Variants in NOS1 observed in about 807,000 individuals in gnomAD.
NOS1 encodes the protein nitric oxide synthase 1.
A neutral mutation model predicts 164.5 loss-of-function variants in NOS1; 51 were observed. That is an observed-to-expected ratio of 0.31 (90% CI 0.25 to 0.39). NOS1 has a LOEUF of 0.39. Among genes scored for constraint, NOS1 ranks in the 10% least tolerant of loss-of-function variants. The pLI is 1.00. For synonymous variants in NOS1, 719 were observed against 745.8 expected (o/e 0.96, Z 0.59); for missense variants, 1,362 against 1,885.6 (o/e 0.72, Z 5.14).
At chr12:117,358,352 G>T (rs528276463) in intron 1 of NOS1, among the ~76,000 whole-genome samples, 1 of 151,692 alleles carries the variant, frequency 6.6e-6, no homozygotes, top group Admixed American at 6.6e-5. Context: ...TCTTCTCCGT[G>T]CGGTCCTTCC....
At chr12:117,360,557 G>T (rs547899295) in intron 1 of NOS1, among the ~76,000 whole-genome samples, 1 of 152,260 alleles carries the variant, frequency 6.6e-6, no homozygotes, top group African/African-American at 2.4e-5. Flanking sequence ...CGGAAGAAGT[G>T]AGAGGTGCGG....
Position 117,272,493 on chromosome 12 carries a change from T to C in NOS1, c.1731A>G (p.Leu577=), listed in dbSNP as rs748680359. The C allele has an allele frequency of 6.2e-7, 1 of 1,613,384 alleles. No homozygotes were observed. The highest frequency in any genetic ancestry group is 1.1e-5 in the South Asian group (1 of 91,066). The change falls in exon 10 of 29, where the codon CTA becomes CTG. Residue 577 remains leucine, a synonymous_variant. Transcript: ENST00000317775. The surrounding 1 kb of genome is among the most constrained non-coding windows in gnomAD (Gnocchi z 4.3). ...YGLPAVSNML[L]EIGGLEFSAC... Reference sequence around the variant, plus strand: ...CGCTGAACTCCAGGCCGCCAATCTCTAGGAGCATGTTGGACACGGCGGGGA... The same window carrying C: ...CGCTGAACTCCAGGCCGCCAATCTCCAGGAGCATGTTGGACACGGCGGGGA...
intron 18 of NOS1, among the ~76,000 whole-genome samples, chr12:117,244,690 C>T (rs1374903773): frequency 2.0e-5 from 3 of 152,226 alleles, no homozygotes; most frequent in Non-Finnish European, 4.4e-5. Flanking sequence ...AGATTTGACA[C>T]ATCCATACAA....
At chr12:117,310,851 G>A (rs1025326077) in intron 3 of NOS1, among the ~76,000 whole-genome samples, 11 of 152,058 alleles carry the variant, frequency 7.2e-5, no homozygotes, top group African/African-American at 2.2e-4. Flanking sequence ...ATAGGGTCTC[G>A]CTATGTAGCC....
chr12:117,331,983 A>G (rs567894817), intron 1 of NOS1, among the ~76,000 whole-genome samples: 49 of 152,312 alleles, frequency 3.2e-4, no homozygotes, highest in Non-Finnish European at 6.0e-4. Context: ...CCATGTACAC[A>G]ATGATGACGA....
intron 22 of NOS1, among the ~76,000 whole-genome samples, chr12:117,229,273 C>G (rs1868979973): frequency 1.3e-5 from 2 of 152,176 alleles, no homozygotes; most frequent in Non-Finnish European, 2.9e-5. Context: ...AGGCTGCTCC[C>G]TGCCAATGAC....
intron 9 of NOS1, among the ~76,000 whole-genome samples, chr12:117,276,824 T>G (rs1873222486): frequency 6.6e-6 from 1 of 152,246 alleles, no homozygotes; most frequent in Non-Finnish European, 1.5e-5. Flanking sequence ...CATTCTTTTT[T>G]GCAGCTGTAT....
chr12:117,337,122 T>A lies in NOS1; in HGVS notation c.-420-5633A>T, dbSNP rs1875866526. Among the ~76,000 whole-genome samples the A allele has an allele frequency of 1.0e-4, 14 of 137,428 alleles. No homozygotes were observed. The South Asian group carries it at 3.4e-3, about 34-fold the overall frequency. 90.2% of individuals were successfully genotyped at this position (137,428 alleles called of 152,430 possible). On this transcript the variant is annotated intron_variant, in intron 1 of 28. Transcript: ENST00000317775. Reference sequence around the variant, plus strand: ...CTTTTTACTCTTTTTTTTTTTTTTTTTTTTTTTTTTTGAGACGGAGTCTTG... The same window carrying A: ...CTTTTTACTCTTTTTTTTTTTTTTTATTTTTTTTTTTGAGACGGAGTCTTG...
chr12:117,254,286 T>C (rs1406412529), intron 16 of NOS1, among the ~76,000 whole-genome samples: 1 of 152,192 alleles, frequency 6.6e-6, no homozygotes, highest in Non-Finnish European at 1.5e-5. Context: ...TTTGCATTTT[T>C]AGTAGAGACG....
In NOS1 at chr12:117,209,029, G is replaced by C; in HGVS notation, c.*6280C>G. ...TGAGCCACCACGCCTGGCCTGGGAG[G>C]GGTTTTTGAAAGCATACTGCCCTCC... On this transcript the variant is annotated 3_prime_UTR_variant, in exon 29 of 29. Transcript: ENST00000317775. 1 of 985,236 alleles carries C rather than the reference G, an allele frequency of 1.0e-6. No individual in the cohort carries two copies. The highest frequency in any genetic ancestry group is 1.2e-6 in the Non-Finnish European group (1 of 829,870). 61.0% of individuals were successfully genotyped at this position (985,236 alleles called of 1,614,324 possible).
intron 2 of NOS1, among the ~76,000 whole-genome samples, chr12:117,316,031 CAT>C (rs1281824579): frequency 2.0e-5 from 3 of 152,212 alleles, no homozygotes; most frequent in Non-Finnish European, 4.4e-5. Context: ...CCACTAGACA[CAT>C]GTGGCAATTG....
At chr12:117,251,512 A>C (rs1871099040) in intron 17 of NOS1, among the ~76,000 whole-genome samples, 1 of 152,080 alleles carries the variant, frequency 6.6e-6, no homozygotes, top group Non-Finnish European at 1.5e-5. Context: ...TCCTAGGCTC[A>C]TGCAATCCCC....
intron 16 of NOS1, among the ~76,000 whole-genome samples, chr12:117,257,896 C>T (rs540413904): frequency 6.6e-6 from 1 of 151,540 alleles, no homozygotes; most frequent in South Asian, 2.1e-4. Context: ...CCTCCTCCTC[C>T]CAGGTTCAAG....
intron 3 of NOS1, among the ~76,000 whole-genome samples, chr12:117,293,702 CTAT>C (rs1484219269): frequency 6.6e-6 from 1 of 151,236 alleles, no homozygotes; most frequent in Admixed American, 6.6e-5. Flanking sequence ...ACTTGTATTA[CTAT>C]TATTACTTGT....
intron 11 of NOS1, among the ~76,000 whole-genome samples, chr12:117,266,813 C>G (rs1872456841): frequency 6.6e-6 from 1 of 152,212 alleles, no homozygotes; most frequent in Admixed American, 6.5e-5. Context: ...GCTGGGATTA[C>G]AGGTGTGAGC....
chr12:117,238,826 C>G (rs1869934629), intron 20 of NOS1, among the ~76,000 whole-genome samples: 1 of 152,024 alleles, frequency 6.6e-6, no homozygotes, highest in Non-Finnish European at 1.5e-5. Context: ...TTTCTTTCAC[C>G]TATTAAACTT....
intron 10 of NOS1, among the ~76,000 whole-genome samples, chr12:117,269,477 T>TTG (rs1342948441): frequency 1.4e-5 from 2 of 145,898 alleles, no homozygotes; most frequent in Non-Finnish European, 3.0e-5. Flanking sequence ...TTTTTTTTTT[T>TTG]TTTTTTTTTA....
At chr12:117,304,787 T>C (rs576269770) in intron 3 of NOS1, among the ~76,000 whole-genome samples, 25 of 152,274 alleles carry the variant, frequency 1.6e-4, no homozygotes, top group Non-Finnish European at 2.2e-4. Flanking sequence ...CCTCCTGAGA[T>C]GGACTTAAAA....
At chr12:117,313,636 G>A (rs1203501691) in intron 2 of NOS1, among the ~76,000 whole-genome samples, 1 of 152,050 alleles carries the variant, frequency 6.6e-6, no homozygotes, top group East Asian at 1.9e-4. Context: ...CTGGCTTCCT[G>A]TCCCTGAACT....
Sources: allele counts gnomAD v4.1 joint callset (sites outside exome capture counted in the v4.1 genomes callset), GRCh38; gene constraint gnomAD v4.1.1; non-coding constraint Gnocchi (gnomAD v3.1); transcripts MANE v1.5; gene names NCBI Gene and HGNC (gene_info 2026-07-23, HGNC 2026-07-21).